Variants in KIF18B observed in about 807,000 individuals in gnomAD.
KIF18B encodes kinesin-like protein KIF18B.
Under a neutral mutation model 80.9 loss-of-function variants are expected in KIF18B, and 49 were observed. The observed-to-expected ratio is 0.61, with a 90% confidence interval of 0.48 to 0.77. The LOEUF (loss-of-function observed/expected upper bound fraction) is 0.77, where lower values mean the gene tolerates loss of function less well. Among genes scored for constraint, KIF18B ranks in the 30% least tolerant of loss-of-function variants. The pLI is 0.00. For synonymous variants in KIF18B, 439 were observed against 463.9 expected (o/e 0.95, Z 0.69); for missense variants, 994 against 1,127.7 (o/e 0.88, Z 1.70).
chr17:44,929,724 TA>T (rs1190269710), intron 11 of KIF18B, among the ~76,000 whole-genome samples: 6 of 152,222 alleles, frequency 3.9e-5, no homozygotes, highest in African/African-American at 1.4e-4. Flanking sequence ...GGAGATTATG[TA>T]AGATAGGCTA....
At chr17:44,942,403 T>G (rs1220463334) in intron 1 of KIF18B, among the ~76,000 whole-genome samples, 2 of 152,080 alleles carry the variant, frequency 1.3e-5, no homozygotes, top group Non-Finnish European at 2.9e-5. Context: ...TAGAGACAGG[T>G]CCAGTGAGCC....
At position 44,926,427 on chromosome 17, in the gene KIF18B, G is replaced by T. The variant is rs2052027010; in HGVS notation, c.2439C>A (p.Pro813=). The change falls in exon 15 of 16, where the codon CCC becomes CCA. Residue 813 remains proline, a synonymous_variant. Transcript: ENST00000593135. ...PSSTLKRPAG[P]LVLPELPLSP... is the part of the protein sequence containing the mutation. Reference sequence around the variant, plus strand: ...AGTGCCAGTCACCTGGGAGTACAAGGGGCCCAGCTGGCCTCTTCAAAGTGC... The same window carrying T: ...AGTGCCAGTCACCTGGGAGTACAAGTGGCCCAGCTGGCCTCTTCAAAGTGC... The T allele has an allele frequency of 1.3e-6, 2 of 1,576,336 alleles. No homozygotes were observed. Among genetic ancestry groups the T allele is most frequent in the African/African-American group, 2.7e-5 (2 of 74,304 alleles).
At position 44,934,241 on chromosome 17, in the gene KIF18B, C is replaced by A. The variant is rs118010375; in HGVS notation, c.877G>T (p.Asp293Tyr). ...GGCCTGTGCTGCTTTACCTTTGCAT[C>A]GGCCAAGGCATTGAGGACGTTGATG... is the stretch of plus-strand genomic sequence containing the variant. ...ALINVLNALADAKGRKTHVPY... is the reference protein window; with the variant it reads ...ALINVLNALAYAKGRKTHVPY... The change falls in exon 6 of 16, where the codon GAT becomes TAT. Residue 293 changes from aspartate (D) to tyrosine (Y), a missense_variant. By Grantham distance (160) the Asp-to-Tyr change is radical. Coordinates refer to ENST00000593135, the MANE Select transcript of KIF18B (RefSeq NM_001265577.2). The surrounding 1 kb of genome is among the most constrained non-coding windows in gnomAD (Gnocchi z 5.4). 6.2e-7 allele frequency: 1 copy of A among 1,609,962 alleles called. No individual in the cohort carries two copies. Among genetic ancestry groups the A allele is most frequent in the East Asian group, 2.2e-5 (1 of 44,792 alleles).
intron 1 of KIF18B, among the ~76,000 whole-genome samples, chr17:44,937,219 A>AC (rs1273325914): frequency 6.6e-6 from 1 of 151,484 alleles, no homozygotes; most frequent in Non-Finnish European, 1.5e-5. Flanking sequence ...TATCAATTCT[A>AC]CCCCCAACCT....
At chr17:44,936,418 C>T (rs1195509180) in intron 1 of KIF18B, 60 bp from the exon 2 acceptor site, 7 of 1,453,174 alleles carry the variant, frequency 4.8e-6, no homozygotes, top group African/African-American at 1.4e-5. Context: ...CAGGTGCCCC[C>T]TCAGTACTCC....
chr17:44,935,539 A>C, intron 2 of KIF18B, 123 bp from the exon 3 acceptor site: 1 of 990,540 alleles, frequency 1.0e-6, no homozygotes, highest in South Asian at 1.9e-5. Flanking sequence ...CCCACTAATC[A>C]CACCCTCCAT....
Position 44,924,821 on chromosome 17 carries a change from T to C in KIF18B, c.*1259A>G, listed in dbSNP as rs371900576. Reference sequence around the variant, plus strand: ...AACCCAAGTATCATTAGCATTTATATCTAGGTGCAGCATTAAGCCTGAATT... The same window carrying C: ...AACCCAAGTATCATTAGCATTTATACCTAGGTGCAGCATTAAGCCTGAATT... On this transcript the variant is annotated 3_prime_UTR_variant, in exon 16 of 16. Transcript: ENST00000593135. The C allele has an allele frequency of 2.6e-5, 4 of 151,916 alleles. No individual in the cohort carries two copies. Among genetic ancestry groups the C allele is most frequent in the African/African-American group, 9.7e-5 (4 of 41,272 alleles). The allele number at this position is 151,916 out of a possible 1,614,324, so 9.4% of individuals were successfully genotyped here.
chr17:44,926,570 G>A, intron 14 of KIF18B, 71 bp from the exon 15 acceptor site: 1 of 1,394,020 alleles, frequency 7.2e-7, no homozygotes, highest in Non-Finnish European at 9.5e-7. Flanking sequence ...CATTGAAGTG[G>A]GGCATATAAG....
chr17:44,929,283 G>A (rs747520404), intron 11 of KIF18B, among the ~76,000 whole-genome samples: 13 of 152,204 alleles, frequency 8.5e-5, no homozygotes, highest in Non-Finnish European at 1.8e-4. Context: ...CACTAAACAC[G>A]CCCCATGACA....
chr17:44,928,170 G>T lies in KIF18B; in HGVS notation c.2132C>A (p.Thr711Asn). 1 of 1,610,932 alleles carries T rather than the reference G, an allele frequency of 6.2e-7. No individual in the cohort carries two copies. Among genetic ancestry groups the T allele is most frequent in the Non-Finnish European group, 8.5e-7 (1 of 1,178,254 alleles). ...LGPSAMQNCSTPLALPTRDLN... is the reference protein window; with the variant it reads ...LGPSAMQNCSNPLALPTRDLN... ...GTCTCGAGTGGGCAGAGCCAGCGGG[G>T]TGGAGCAGTTCTGCATGGCGGAAGG... The change falls in exon 13 of 16, where the codon ACC becomes AAC. Residue 711 changes from threonine (T) to asparagine (N), a missense_variant. Physicochemically the swap from Thr to Asn is moderately conservative, Grantham distance 65. Transcript: ENST00000593135.
intron 1 of KIF18B, among the ~76,000 whole-genome samples, chr17:44,944,404 G>A (rs1158043335): frequency 3.3e-5 from 5 of 151,792 alleles, no homozygotes; most frequent in African/African-American, 4.8e-5. Flanking sequence ...CACCATGCCC[G>A]GCTATTTTTT....
chr17:44,931,535 C>G, intron 11 of KIF18B, 67 bp downstream of exon 11: 2 of 1,608,734 alleles, frequency 1.2e-6, no homozygotes, highest in South Asian at 2.2e-5. Context: ...CACCAATTCC[C>G]ACACCCAGGG....
intron 1 of KIF18B, among the ~76,000 whole-genome samples, chr17:44,940,595 A>G (rs769255641): frequency 2.0e-5 from 3 of 152,152 alleles, no homozygotes; most frequent in Non-Finnish European, 4.4e-5. Context: ...GGAATTTTGG[A>G]ATGCAGCCTG....
Position 44,926,461 on chromosome 17 carries a change from A to G in KIF18B, c.2405T>C (p.Leu802Pro). ...VSHGRSRIAR[L>P]PSSTLKRPAG... is the part of the protein sequence containing the mutation. The stretch of plus-strand genomic sequence containing the variant: ...TGGCCTCTTCAAAGTGCTGCTGGGG[A>G]GGCGGGCGATGCGGCTGCGGCCATG... Residue 802 changes from leucine to proline, a missense_variant, in exon 15 of 16, where the codon CTC becomes CCC. By Grantham distance (98) the Leu-to-Pro change is moderately conservative. Coordinates refer to ENST00000593135, the MANE Select transcript of KIF18B (RefSeq NM_001265577.2). The G allele has an allele frequency of 6.3e-7, 1 of 1,589,072 alleles. No homozygotes were observed.
At chr17:44,947,194 T>C (rs1324867378) in intron 1 of KIF18B, among the ~76,000 whole-genome samples, 1 of 146,054 alleles carries the variant, frequency 6.8e-6, no homozygotes, top group African/African-American at 2.5e-5. Flanking sequence ...ATCAGTTCAG[T>C]AGATGGGTGG....
intron 1 of KIF18B, among the ~76,000 whole-genome samples, chr17:44,936,669 T>C (rs943927900): frequency 2.4e-5 from 3 of 126,902 alleles, no homozygotes; most frequent in African/African-American, 5.9e-5. Context: ...AGACGGACTC[T>C]TGCTCTGTCG....
intron 11 of KIF18B, among the ~76,000 whole-genome samples, chr17:44,930,751 C>T (rs76771822): frequency 0.11 from 17,044 of 152,130 alleles, 1,099 homozygotes; most frequent in South Asian, 0.15. Context: ...GCAGAGGGGC[C>T]CTGGGTCATC....
rs573336507 is a variant in KIF18B at position 44,927,849 on chromosome 17, T to C, written c.2276+177A>G. ...GACCAGGCAGGGGCCCCAGGAGAAG[T>C]GACACCTCCCTGGCAGCTGTTGGGC... On this transcript the variant is annotated intron_variant, in intron 13 of 15. Coordinates refer to ENST00000593135, the MANE Select transcript of KIF18B (RefSeq NM_001265577.2). This position sits in a 1 kb window ranked among gnomAD's most constrained non-coding sequence, Gnocchi z 4.1. 6.4e-4 allele frequency among the ~76,000 whole-genome samples: 98 copies of C among 152,254 alleles called. No homozygotes were observed. Among genetic ancestry groups the C allele is most frequent in the Non-Finnish European group, 8.2e-4 (56 of 68,006 alleles).
At position 44,932,619 on chromosome 17, in the gene KIF18B, T is replaced by C. The variant is rs138169754; in HGVS notation, c.1238+54A>G. The C allele has an allele frequency of 1.2e-3, 1,113 of 942,918 alleles. 7 individuals are homozygous for C. The African/African-American group carries it at 0.016, about 14-fold the overall frequency. 58.4% of individuals were successfully genotyped at this position (942,918 alleles called of 1,614,324 possible). On this transcript the variant is annotated intron_variant, in intron 9 of 15. Transcript: ENST00000593135. ...CAGAAACTGGAGAAGAGGGCCTGGC[T>C]CCCCATCCTGGCTGAGCTGCAGGGT... is the stretch of plus-strand genomic sequence containing the variant.
Sources: allele counts gnomAD v4.1 joint callset (sites outside exome capture counted in the v4.1 genomes callset), GRCh38; gene constraint gnomAD v4.1.1; non-coding constraint Gnocchi (gnomAD v3.1); transcripts MANE v1.5; gene names NCBI Gene and HGNC (gene_info 2026-07-23, HGNC 2026-07-21).